ABCC4: variants seen among roughly 807,000 people sequenced by gnomAD.
The protein encoded by ABCC4 is ATP binding cassette subfamily C member 4 (PEL blood group).
In ABCC4, 102 loss-of-function variants were observed where a neutral mutation model predicts 168.5. The ratio of observed to expected loss-of-function variants is 0.61; its 90% CI spans 0.52 to 0.71. The LOEUF (loss-of-function observed/expected upper bound fraction) is 0.71, where lower values mean the gene tolerates loss of function less well. Ranked by LOEUF, ABCC4 falls within the 30% of genes least tolerant of loss-of-function variation. The pLI, the probability that ABCC4 is intolerant of heterozygous loss-of-function variation, is 0.00. For synonymous variants in ABCC4, 617 were observed against 590.7 expected (o/e 1.04, Z -0.65); for missense variants, 1,402 against 1,605.8 (o/e 0.87, Z 2.17).
chr13:95,082,228 T>C (rs2034120577), intron 21 of ABCC4, among the ~76,000 whole-genome samples: 1 of 152,214 alleles, frequency 6.6e-6, no homozygotes, highest in South Asian at 2.1e-4. Context: ...ATTATCCTTA[T>C]ACCTTTTATT....
In ABCC4 at chr13:95,127,767, G is replaced by A. The variant is rs1004114558; in HGVS notation, c.2456-11766C>T. Among the ~76,000 whole-genome samples the A allele has an allele frequency of 3.3e-5, 5 of 152,030 alleles. No individual in the cohort carries two copies. The South Asian group carries it at 1.0e-3, about 32-fold the overall frequency. On this transcript the variant is annotated intron_variant, in intron 19 of 30. Transcript: ENST00000645237. Reference sequence around the variant, plus strand: ...TCCCAAACCAGACTGTGCAATCATTGACTTTCTTCTGCCTTACTCCTACTG... The same window carrying A: ...TCCCAAACCAGACTGTGCAATCATTAACTTTCTTCTGCCTTACTCCTACTG...
chr13:95,194,313 G>C (rs1341678189), intron 9 of ABCC4, among the ~76,000 whole-genome samples: 3 of 152,184 alleles, frequency 2.0e-5, no homozygotes, highest in Non-Finnish European at 4.4e-5. Context: ...CCTCGGCCTT[G>C]GGCTGCCACC....
At chr13:95,167,004 T>G (rs1309493514) in intron 14 of ABCC4, among the ~76,000 whole-genome samples, 1 of 151,890 alleles carries the variant, frequency 6.6e-6, no homozygotes, top group Non-Finnish European at 1.5e-5. Flanking sequence ...CTGGCCAACA[T>G]GATGAAACCC....
intron 18 of ABCC4, chr13:95,161,935 A>G (rs1254781287): frequency 6.6e-6 from 1 of 152,236 alleles, no homozygotes; most frequent in African/African-American, 2.4e-5. Context: ...TTACATAGAC[A>G]CAAGACATTT....
intron 1 of ABCC4, among the ~76,000 whole-genome samples, chr13:95,270,647 A>G (rs539311392): frequency 5.9e-5 from 9 of 152,304 alleles, no homozygotes; most frequent in African/African-American, 2.2e-4. Flanking sequence ...TCTAGTAGAG[A>G]TTCTGATACT....
chr13:95,194,438 A>G (rs1188589073), intron 9 of ABCC4, among the ~76,000 whole-genome samples: 1 of 152,212 alleles, frequency 6.6e-6, no homozygotes, highest in Non-Finnish European at 1.5e-5. Flanking sequence ...GAAAACGCTA[A>G]GCTGAAAATG....
chr13:95,185,954 C>T (rs2139617310), intron 11 of ABCC4, among the ~76,000 whole-genome samples: 1 of 152,086 alleles, frequency 6.6e-6, no homozygotes, highest in South Asian at 2.1e-4. Flanking sequence ...CACCCGTACC[C>T]CAAAATCTAC....
intron 8 of ABCC4, among the ~76,000 whole-genome samples, chr13:95,197,418 A>G (rs1043924520): frequency 6.6e-6 from 1 of 152,226 alleles, no homozygotes; most frequent in Non-Finnish European, 1.5e-5. Context: ...ATAAAAAACT[A>G]TGCACACAGT....
At chr13:95,173,123 T>TG (rs2037537149) in intron 13 of ABCC4, among the ~76,000 whole-genome samples, 1 of 151,936 alleles carries the variant, frequency 6.6e-6, no homozygotes. Flanking sequence ...AACACACTAT[T>TG]GGATAGTAAA....
intron 19 of ABCC4, among the ~76,000 whole-genome samples, chr13:95,123,413 A>C (rs1232856058): frequency 6.6e-6 from 1 of 152,170 alleles, no homozygotes; most frequent in African/African-American, 2.4e-5. Context: ...CCCAGGCTGA[A>C]GCACACTAGC....
intron 1 of ABCC4, among the ~76,000 whole-genome samples, chr13:95,266,624 C>T (rs1053636532): frequency 6.6e-6 from 1 of 152,136 alleles, no homozygotes; most frequent in Non-Finnish European, 1.5e-5. Context: ...AGGGCTGAGA[C>T]TAGTCCAGAC....
intron 4 of ABCC4, among the ~76,000 whole-genome samples, chr13:95,230,603 T>C (rs2039592373): frequency 3.3e-5 from 5 of 152,150 alleles, no homozygotes; most frequent in Admixed American, 3.3e-4. Flanking sequence ...GGTGAAACCC[T>C]GTCTCTATTA....
intron 1 of ABCC4, among the ~76,000 whole-genome samples, chr13:95,284,966 C>T (rs2041224501): frequency 6.6e-6 from 1 of 152,142 alleles, no homozygotes; most frequent in Admixed American, 6.6e-5. Flanking sequence ...TAGTTCCAGG[C>T]CAGGCATGGT....
chr13:95,052,585 C>T (rs1162790993), intron 27 of ABCC4, among the ~76,000 whole-genome samples: 1 of 152,186 alleles, frequency 6.6e-6, no homozygotes, highest in African/African-American at 2.4e-5. Context: ...CTGTTATCTG[C>T]ATTAAAATTA....
intron 19 of ABCC4, among the ~76,000 whole-genome samples, chr13:95,128,293 G>A (rs2035851726): frequency 6.6e-6 from 1 of 152,202 alleles, no homozygotes; most frequent in Non-Finnish European, 1.5e-5. Context: ...ATACTTGGCA[G>A]GATCCTAGTT....
At chr13:95,066,452 T>G (rs918512751) in intron 25 of ABCC4, among the ~76,000 whole-genome samples, 2 of 152,224 alleles carry the variant, frequency 1.3e-5, no homozygotes, top group African/African-American at 4.8e-5. Flanking sequence ...TAGCTTTGTA[T>G]TATTTGTATC....
chr13:95,291,947 A>G (rs1005283427), intron 1 of ABCC4, among the ~76,000 whole-genome samples: 3 of 134,492 alleles, frequency 2.2e-5, no homozygotes, highest in African/African-American at 1.0e-4. Context: ...CTCCATTTAA[A>G]GAAATAATAA....
At chr13:95,037,773 T>C (rs1014369963) in intron 29 of ABCC4, among the ~76,000 whole-genome samples, 2 of 152,216 alleles carry the variant, frequency 1.3e-5, no homozygotes, top group Non-Finnish European at 2.9e-5. Context: ...AGTTCACCTA[T>C]TCACTTTCCA....
At chr13:95,186,521 G>A (rs142703143) in intron 11 of ABCC4, among the ~76,000 whole-genome samples, 180 bp downstream of exon 11, 19 of 152,116 alleles carry the variant, frequency 1.2e-4, no homozygotes, top group African/African-American at 4.1e-4. Context: ...CATCATTTTC[G>A]CATCAGACGT....
Sources: allele counts gnomAD v4.1 joint callset (sites outside exome capture counted in the v4.1 genomes callset), GRCh38; gene constraint gnomAD v4.1.1; transcripts MANE v1.5; gene names NCBI Gene and HGNC (gene_info 2026-07-23, HGNC 2026-07-21).